Variants in RIN2 observed in about 807,000 individuals in gnomAD.
RIN2 encodes RAB5 interacting protein 2.
A neutral mutation model predicts 78.0 loss-of-function variants in RIN2; 36 were observed. That is an observed-to-expected ratio of 0.46 (90% CI 0.35 to 0.61). The LOEUF is 0.61. Ranked by LOEUF, RIN2 falls within the 20% of genes least tolerant of loss-of-function variation. The pLI is 0.00. For missense variants in RIN2, 1,087 were observed against 1,159.7 expected, an observed-to-expected ratio of 0.94 and a Z score of 0.91; for synonymous variants, 466 against 466.8, an observed-to-expected ratio of 1.00 and a Z score of 0.02.
intron 2 of RIN2, among the ~76,000 whole-genome samples, chr20:19,844,654 CTTCTTCTTCTTCTTCCTT>C (rs1568807518): frequency 3.7e-5 from 4 of 108,402 alleles, no homozygotes; most frequent in Middle Eastern, 4.2e-3. Context: ...TCTTCTTCTT[CTTCTTCTTCTTCTTCCTT>C]CTTCTTCTTC....
chr20:19,867,288 A>G (rs74570946), intron 2 of RIN2, among the ~76,000 whole-genome samples: 31,106 of 152,142 alleles, frequency 0.2, 3,653 homozygotes, highest in Middle Eastern at 0.38. Context: ...TTTAGTGTTT[A>G]CTTCTTAAGA....
intron 1 of RIN2, among the ~76,000 whole-genome samples, chr20:19,790,789 G>A (rs2034864740): frequency 6.6e-6 from 1 of 151,790 alleles, no homozygotes; most frequent in South Asian, 2.1e-4. Context: ...TCTCTTACTT[G>A]CCCTAAATGG....
At chr20:19,938,267 G>A (rs2040727210) in intron 4 of RIN2, among the ~76,000 whole-genome samples, 1 of 152,148 alleles carries the variant, frequency 6.6e-6, no homozygotes, top group African/African-American at 2.4e-5. Flanking sequence ...TACCCAGGCT[G>A]GAGTGCAGTG....
intron 2 of RIN2, among the ~76,000 whole-genome samples, chr20:19,812,078 A>T (rs988370614): frequency 1.3e-5 from 2 of 150,682 alleles, no homozygotes; most frequent in African/African-American, 4.9e-5. Context: ...TTTACCACTG[A>T]ATAGTATTTC....
At position 19,935,227 on chromosome 20, in the gene RIN2, G is replaced by C. The variant is rs1219329744; in HGVS notation, c.158+28G>C. The C allele has an allele frequency of 1.9e-6, 3 of 1,555,452 alleles. No homozygotes were observed. The South Asian group carries it at 3.5e-5, about 18-fold the overall frequency. On this transcript the variant is annotated intron_variant, in intron 4 of 12. Coordinates refer to ENST00000255006, the MANE Select transcript of RIN2 (RefSeq NM_018993.4). ...GACCAGAGACACGGTTAGGTGATGG[G>C]TGCGAGAAAGGGATCGAGTGAACCC... is the stretch of plus-strand genomic sequence containing the variant.
intron 2 of RIN2, among the ~76,000 whole-genome samples, chr20:19,803,723 A>G (rs943346478): frequency 6.6e-6 from 1 of 152,204 alleles, no homozygotes; most frequent in African/African-American, 2.4e-5. Context: ...TTATTTTTTA[A>G]TTCTGTGAAG....
intron 1 of RIN2, among the ~76,000 whole-genome samples, chr20:19,773,235 A>T (rs1025605490): frequency 2.0e-5 from 3 of 152,160 alleles, no homozygotes; most frequent in African/African-American, 4.8e-5. Context: ...ATTGGGGCTC[A>T]TCTGATGACC....
chr20:19,937,162 A>G (rs2040679067), intron 4 of RIN2, among the ~76,000 whole-genome samples: 1 of 152,140 alleles, frequency 6.6e-6, no homozygotes, highest in Admixed American at 6.5e-5. Context: ...TAATTTCTCC[A>G]TTTTGTCCAA....
intron 7 of RIN2, among the ~76,000 whole-genome samples, chr20:19,966,068 T>C (rs1014493873): frequency 2.0e-5 from 3 of 152,216 alleles, no homozygotes; most frequent in Non-Finnish European, 2.9e-5. Flanking sequence ...TCTGCAGGGA[T>C]TGGCATTGCC....
In RIN2 at chr20:19,964,874, A is replaced by G; in HGVS notation, c.464-78A>G. 3.3e-6 allele frequency: 4 copies of G among 1,221,648 alleles called. No homozygotes were observed. In the Middle Eastern group the frequency reaches 7.1e-4, roughly 218 times the overall value. The allele number at this position is 1,221,648 out of a possible 1,614,324, so 75.7% of individuals were successfully genotyped here. On this transcript the variant is annotated intron_variant, in intron 6 of 12. Transcript: ENST00000255006. Reference sequence around the variant, plus strand: ...TTTGAGAGTACTCAGATGGTCCCACACACATGGTGTTAGGGGCTCTTCCTG... The same window carrying G: ...TTTGAGAGTACTCAGATGGTCCCACGCACATGGTGTTAGGGGCTCTTCCTG...
intron 4 of RIN2, among the ~76,000 whole-genome samples, chr20:19,955,670 A>G (rs2041502434): frequency 6.6e-6 from 1 of 152,168 alleles, no homozygotes; most frequent in Non-Finnish European, 1.5e-5. Flanking sequence ...GCTGACAGAC[A>G]TTTGGGTTGT....
At chr20:19,767,974 C>T (rs145831094) in intron 1 of RIN2, among the ~76,000 whole-genome samples, 79 of 150,112 alleles carry the variant, frequency 5.3e-4, no homozygotes, top group Middle Eastern at 3.5e-3. Context: ...TGGAGAGAGA[C>T]GGAGGATGTG....
chr20:19,762,755 A>T (rs906332012), intron 1 of RIN2, among the ~76,000 whole-genome samples: 1 of 142,848 alleles, frequency 7.0e-6, no homozygotes, highest in African/African-American at 2.6e-5. Context: ...AATGTGATTT[A>T]TTTTATTTAT....
chr20:19,818,547 C>T (rs2035834705), intron 2 of RIN2, among the ~76,000 whole-genome samples: 1 of 152,126 alleles, frequency 6.6e-6, no homozygotes, highest in Non-Finnish European at 1.5e-5. Flanking sequence ...GTCTGACCAA[C>T]ATGGTGAAAC....
chr20:19,878,137 A>T (rs1300282175), intron 2 of RIN2, among the ~76,000 whole-genome samples: 1 of 152,020 alleles, frequency 6.6e-6, no homozygotes, highest in Non-Finnish European at 1.5e-5. Context: ...TCCTAGCCTC[A>T]CCCCTCCTCG....
intron 2 of RIN2, among the ~76,000 whole-genome samples, chr20:19,847,526 C>T (rs2036824481): frequency 1.3e-5 from 2 of 152,160 alleles, no homozygotes; most frequent in Non-Finnish European, 1.5e-5. Flanking sequence ...TCCGGAGACC[C>T]AGAGGGGGTT....
intron 1 of RIN2, among the ~76,000 whole-genome samples, chr20:19,768,387 C>A (rs974275235): frequency 6.6e-6 from 1 of 152,218 alleles, no homozygotes; most frequent in East Asian, 1.9e-4. Context: ...GTAGCCAGAT[C>A]GGAGGCCAGC....
rs749893095 is a variant in RIN2, at chr20:19,990,041, T to C, written c.1798T>C (p.Leu600=). ...GGAAAAAGCCATGCACAAGTGCATC[T>C]TGAAGCCCCTCAAGGGGCACGTGGA... is the stretch of plus-strand genomic sequence containing the variant. ...VLEKAMHKCI[L]KPLKGHVEAM... Residue 600 remains leucine (L), a synonymous_variant, in exon 10 of 13, where the codon TTG becomes CTG. Coordinates refer to ENST00000255006, the MANE Select transcript of RIN2 (RefSeq NM_018993.4). 6.3e-7 allele frequency: 1 copy of C among 1,592,430 alleles called. No homozygotes were observed. The highest frequency in any genetic ancestry group is 1.1e-5 in the South Asian group (1 of 88,100).
chr20:19,816,160 G>T (rs2035761321), intron 2 of RIN2, among the ~76,000 whole-genome samples: 1 of 152,144 alleles, frequency 6.6e-6, no homozygotes, highest in Non-Finnish European at 1.5e-5. Flanking sequence ...TAACTTCCTT[G>T]AGTCTAATTT....
Sources: allele counts gnomAD v4.1 joint callset (sites outside exome capture counted in the v4.1 genomes callset), GRCh38; gene constraint gnomAD v4.1.1; transcripts MANE v1.5; gene names NCBI Gene and HGNC (gene_info 2026-07-23, HGNC 2026-07-21).